FMR1NB: variants seen among roughly 807,000 people sequenced by gnomAD.
The protein encoded by FMR1NB is FMR1 neighbor, also known as FMR1 neighbor protein.
In FMR1NB, 10 loss-of-function variants were observed where a neutral mutation model predicts 16.8. The ratio of observed to expected loss-of-function variants is 0.60; its 90% CI spans 0.37 to 1.01. The LOEUF (loss-of-function observed/expected upper bound fraction) is 1.01. FMR1NB is among the 50% of genes least tolerant of loss of function. The pLI, the probability that FMR1NB is intolerant of heterozygous loss-of-function variation, is 0.01. For missense variants in FMR1NB, 205 were observed against 204.8 expected (o/e 1.00, Z 0.00); for synonymous variants, 83 against 79.1 (o/e 1.05, Z -0.26).
chrX:148,026,354 T>C (rs1193549314), intron 5 of FMR1NB, 148 bp from the exon 6 acceptor site: 2 of 111,972 alleles, frequency 1.8e-5, no homozygotes, highest in African/African-American at 6.5e-5. Context: ...GATGATGTAC[T>C]GGCAAACTGA....
intron 1 of FMR1NB, among the ~76,000 whole-genome samples, chrX:147,989,871 G>A (rs2044495379): frequency 9.1e-6 from 1 of 110,402 alleles, no homozygotes; most frequent in Admixed American, 9.6e-5. Context: ...AATTGTCCCA[G>A]GTCGACTTCA....
At position 148,025,001 on chromosome X, in the gene FMR1NB, C is replaced by A; in HGVS notation, c.*1C>A. 8.3e-7 allele frequency: 1 copy of A among 1,208,946 alleles called. No homozygotes were observed. Among genetic ancestry groups the A allele is most frequent in the Non-Finnish European group, 1.1e-6 (1 of 893,997 alleles). ...ACGTGAGGAACATGGTGACGAGTAG[C>A]AAGAGACCAAAGGTAATTGACAATA... On this transcript the variant is annotated 3_prime_UTR_variant, in exon 5 of 6. Coordinates refer to ENST00000370467, the MANE Select transcript of FMR1NB (RefSeq NM_152578.3).
chrX:147,981,923 A>G (rs1217525977), intron 1 of FMR1NB, among the ~76,000 whole-genome samples: 3 of 110,198 alleles, frequency 2.7e-5, no homozygotes, highest in African/African-American at 6.6e-5. Flanking sequence ...TCCCTCCCCA[A>G]CTTCCCCTAA....
At chrX:148,011,981 A>G (rs896597297) in intron 4 of FMR1NB, among the ~76,000 whole-genome samples, 2 of 111,819 alleles carry the variant, frequency 1.8e-5, no homozygotes, top group African/African-American at 6.5e-5. Flanking sequence ...TAGCCATATT[A>G]AACTAACATA....
At chrX:148,017,452 A>C (rs960326360) in intron 4 of FMR1NB, among the ~76,000 whole-genome samples, 1 of 110,791 alleles carries the variant, frequency 9.0e-6, no homozygotes, top group African/African-American at 3.3e-5. Flanking sequence ...GCTTTGAACA[A>C]ACTTTTACCC....
chrX:147,985,504 C>T (rs2044471800), intron 1 of FMR1NB, among the ~76,000 whole-genome samples: 1 of 110,182 alleles, frequency 9.1e-6, no homozygotes, highest in Non-Finnish European at 1.9e-5. Context: ...GTGTGTGATG[C>T]TCCCCTCCCT....
In FMR1NB at chrX:147,981,359, G is replaced by C. The variant is rs372849176; in HGVS notation, c.-44G>C. On this transcript the variant is annotated 5_prime_UTR_variant, in exon 1 of 6. Coordinates refer to ENST00000370467, the MANE Select transcript of FMR1NB (RefSeq NM_152578.3). ...CTTCTGGGCCACGGACTGCCGGACC[G>C]TTGGGCTGTGAGGCAGCGTCTCAGC... 1 of 970,753 alleles carries C rather than the reference G, an allele frequency of 1.0e-6. No homozygotes were observed. Among genetic ancestry groups the C allele is most frequent in the Non-Finnish European group, 1.3e-6 (1 of 755,924 alleles). 80.0% of individuals were successfully genotyped at this position (970,753 alleles called of 1,213,427 possible). A position where few individuals can be genotyped will look rare whatever the true frequency, so the allele number is the denominator to read the frequency against.
intron 1 of FMR1NB, among the ~76,000 whole-genome samples, chrX:147,985,800 G>C (rs1412081400): frequency 8.9e-6 from 1 of 112,070 alleles, no homozygotes; most frequent in African/African-American, 3.3e-5. Context: ...TGTCTTTATA[G>C]TAGAATGACT....
intron 1 of FMR1NB, among the ~76,000 whole-genome samples, chrX:147,994,774 T>C (rs1557188020): frequency 8.9e-6 from 1 of 112,449 alleles, no homozygotes; most frequent in Non-Finnish European, 1.9e-5. Context: ...GATTCATTCT[T>C]TACATTGTTA....
chrX:147,988,835 T>C, intron 1 of FMR1NB, among the ~76,000 whole-genome samples: 1 of 111,906 alleles, frequency 8.9e-6, no homozygotes, highest in Non-Finnish European at 1.9e-5. Context: ...GAAGTTCTCG[T>C]GCTGTGTTTT....
intron 1 of FMR1NB, among the ~76,000 whole-genome samples, chrX:147,988,627 C>T (rs1448838819): frequency 8.9e-6 from 1 of 111,798 alleles, no homozygotes. Context: ...TTCTCCCCGT[C>T]ACTTTCAGGG....
chrX:148,003,603 G>A (rs1316988350), intron 2 of FMR1NB, among the ~76,000 whole-genome samples: 2 of 112,200 alleles, frequency 1.8e-5, no homozygotes, highest in East Asian at 2.8e-4. Flanking sequence ...CTTTTCCTTC[G>A]CAAATATCTA....
chrX:148,026,304 G>T (rs1384784350), intron 5 of FMR1NB, among the ~76,000 whole-genome samples, 198 bp from the exon 6 acceptor site: 3 of 111,350 alleles, frequency 2.7e-5, no homozygotes, highest in Non-Finnish European at 5.7e-5. Flanking sequence ...AATGATATTT[G>T]CTCTAATCTG....
chrX:148,004,958 C>T (rs1158096917), intron 2 of FMR1NB, among the ~76,000 whole-genome samples: 2 of 112,556 alleles, frequency 1.8e-5, no homozygotes, highest in Admixed American at 1.9e-4. Flanking sequence ...GGCACAATCT[C>T]GGCTCACTGC....
chrX:148,009,681 G>C (rs1249552982), intron 4 of FMR1NB, among the ~76,000 whole-genome samples: 1 of 111,164 alleles, frequency 9.0e-6, no homozygotes, highest in Non-Finnish European at 1.9e-5. Context: ...TCACTACCCT[G>C]AGAATAAGTA....
intron 1 of FMR1NB, among the ~76,000 whole-genome samples, chrX:147,993,265 G>A (rs2044523574): frequency 1.8e-5 from 2 of 112,354 alleles, no homozygotes; most frequent in African/African-American, 3.2e-5. Flanking sequence ...AACCAGTCAG[G>A]CGTGGCGGCG....
intron 5 of FMR1NB, among the ~76,000 whole-genome samples, chrX:148,025,653 T>G (rs2044700207): frequency 8.9e-6 from 1 of 112,172 alleles, no homozygotes; most frequent in African/African-American, 3.2e-5. Flanking sequence ...TCTCAGGGAC[T>G]GGGAGTAAGG....
At chrX:147,989,069 C>T (rs180993623) in intron 1 of FMR1NB, among the ~76,000 whole-genome samples, 3 of 111,708 alleles carry the variant, frequency 2.7e-5, no homozygotes, top group East Asian at 5.7e-4. Flanking sequence ...CATTTGGAGG[C>T]GAAGAGGCAT....
At chrX:148,007,319 C>G (rs1557189226) in intron 3 of FMR1NB, among the ~76,000 whole-genome samples, 1 of 112,064 alleles carries the variant, frequency 8.9e-6, no homozygotes, top group East Asian at 2.8e-4. Context: ...TAGCATCTCA[C>G]TCTGTTACCC....
Sources: gnomAD v4.1 joint callset for allele counts (sites outside exome capture counted in the v4.1 genomes callset) on GRCh38, gnomAD v4.1.1 for gene constraint, MANE v1.5 for transcripts, NCBI Gene and HGNC (gene_info 2026-07-23, HGNC 2026-07-21) for gene names.